Variants in GNPAT observed in about 807,000 individuals in gnomAD.
The protein encoded by GNPAT is dihydroxyacetone phosphate acyltransferase.
Under a neutral mutation model 78.4 loss-of-function variants are expected in GNPAT, and 30 were observed. That is an observed-to-expected ratio of 0.38 (90% confidence interval 0.29 to 0.52). The LOEUF (loss-of-function observed/expected upper bound fraction) is 0.52. Among genes scored for constraint, GNPAT ranks in the 20% least tolerant of loss-of-function variants. The pLI is 0.84. For synonymous variants in GNPAT, 271 were observed against 281.1 expected (o/e 0.96, Z 0.36); for missense variants, 714 against 812.2 (o/e 0.88, Z 1.47).
rs1684587150 is a variant in GNPAT, at chr1:231,241,239, G to C, written c.-140G>C. 1 of 1,474,812 alleles carries C rather than the reference G, an allele frequency of 6.8e-7. No individual in the cohort carries two copies. The highest frequency in any genetic ancestry group is 9.5e-7 in the Non-Finnish European group (1 of 1,056,216). 91.4% of individuals were successfully genotyped at this position (1,474,812 alleles called of 1,614,324 possible). ...GTCCTGGCTGAGATGGCGGCGCCCG[G>C]GATCCTGTGTAGCGGCTGCAGAGGG... On this transcript the variant is annotated 5_prime_UTR_variant, in exon 1 of 16. Coordinates refer to ENST00000366647, the MANE Select transcript of GNPAT (RefSeq NM_014236.4).
At chr1:231,265,449 T>G (rs748828333) in intron 5 of GNPAT, 29 bp downstream of exon 5, 20 of 1,559,408 alleles carry the variant, frequency 1.3e-5, no homozygotes, top group Non-Finnish European at 1.7e-5. Context: ...CAACTACTCT[T>G]AAGCCATATT....
intron 1 of GNPAT, among the ~76,000 whole-genome samples, chr1:231,242,681 T>A (rs573316323): frequency 4.4e-4 from 67 of 152,378 alleles, no homozygotes; most frequent in Non-Finnish European, 8.2e-4. Flanking sequence ...TGTAGCTTTT[T>A]AAGCTCCCAA....
intron 4 of GNPAT, among the ~76,000 whole-genome samples, chr1:231,264,841 T>C (rs566384046): frequency 2.8e-4 from 42 of 152,372 alleles, no homozygotes; most frequent in Admixed American, 2.7e-3. Flanking sequence ...ATTGACATCA[T>C]GACATTGTCA....
intron 2 of GNPAT, among the ~76,000 whole-genome samples, chr1:231,255,404 T>C (rs1394500771): frequency 6.6e-6 from 1 of 152,102 alleles, no homozygotes; most frequent in Non-Finnish European, 1.5e-5. Context: ...CGTCTACCTC[T>C]CTCCTCCTCT....
At chr1:231,247,692 A>G (rs1684786649) in intron 1 of GNPAT, among the ~76,000 whole-genome samples, 1 of 152,236 alleles carries the variant, frequency 6.6e-6, no homozygotes, top group African/African-American at 2.4e-5. Context: ...TCCTCAGCAC[A>G]TACCACAGTG....
In GNPAT at chr1:231,271,008, T is replaced by G; in HGVS notation, c.1522+8T>G. ...CACCAGGGTTCAGGAAAGGTAATTTTCAGGAATGCAATCTTGACTTTTAGA... is the reference window on the plus strand; with the variant it reads ...CACCAGGGTTCAGGAAAGGTAATTTGCAGGAATGCAATCTTGACTTTTAGA... On this transcript the variant is annotated splice_region_variant and intron_variant, in intron 10 of 15. Transcript: ENST00000366647. The G allele has an allele frequency of 1.2e-6, 2 of 1,614,096 alleles. No individual in the cohort carries two copies. The highest frequency in any genetic ancestry group is 8.5e-7 in the Non-Finnish European group (1 of 1,179,926).
At chr1:231,260,734 T>TA in intron 3 of GNPAT, 51 bp downstream of exon 3, 3 of 1,235,832 alleles carry the variant, frequency 2.4e-6, no homozygotes, top group Non-Finnish European at 2.3e-6. Context: ...CATCTTAAAA[T>TA]TAAACAAAAA....
intron 8 of GNPAT, among the ~76,000 whole-genome samples, chr1:231,266,888 T>C (rs1685404739): frequency 6.6e-6 from 1 of 152,222 alleles, no homozygotes; most frequent in South Asian, 2.1e-4. Flanking sequence ...AGATACACAT[T>C]TGAGTTTTCT....
At chr1:231,252,902 G>T (rs1006162980) in intron 2 of GNPAT, among the ~76,000 whole-genome samples, 2 of 152,104 alleles carry the variant, frequency 1.3e-5, no homozygotes, top group Non-Finnish European at 2.9e-5. Flanking sequence ...CCCATAGACA[G>T]AACTGACTCC....
chr1:231,257,687 T>C (rs1256134277), intron 2 of GNPAT, among the ~76,000 whole-genome samples: 1 of 152,216 alleles, frequency 6.6e-6, no homozygotes. Flanking sequence ...ATTCTCATCA[T>C]TTCACTTTCC....
chr1:231,246,922 C>T (rs1448025587), intron 1 of GNPAT, among the ~76,000 whole-genome samples: 1 of 152,162 alleles, frequency 6.6e-6, no homozygotes, highest in Non-Finnish European at 1.5e-5. Context: ...GTAATCCCAG[C>T]ACTTTGGGAG....
At chr1:231,245,029 C>A (rs1472478286) in intron 1 of GNPAT, among the ~76,000 whole-genome samples, 1 of 152,164 alleles carries the variant, frequency 6.6e-6, no homozygotes, top group Non-Finnish European at 1.5e-5. Context: ...AAATGCTCTT[C>A]CCTCGAATGC....
chr1:231,273,866 A>G, intron 11 of GNPAT, 56 bp from the exon 12 acceptor site: 1 of 1,418,942 alleles, frequency 7.0e-7, no homozygotes, highest in East Asian at 2.3e-5. Context: ...ATGTATTCAG[A>G]TGGGCACTAT....
intron 1 of GNPAT, among the ~76,000 whole-genome samples, chr1:231,243,420 C>T (rs1199288617): frequency 1.3e-5 from 2 of 152,026 alleles, no homozygotes; most frequent in African/African-American, 4.8e-5. Context: ...ATCTCCGGGG[C>T]TCAAGCGATT....
chr1:231,253,518 C>G (rs538401216), intron 2 of GNPAT, among the ~76,000 whole-genome samples: 1 of 152,312 alleles, frequency 6.6e-6, no homozygotes, highest in Admixed American at 6.5e-5. Context: ...GCCTTGGGAA[C>G]ATTTTTATCT....
chr1:231,276,822 G>A (rs1233688493), intron 15 of GNPAT, among the ~76,000 whole-genome samples: 4 of 152,208 alleles, frequency 2.6e-5, no homozygotes, highest in Admixed American at 2.6e-4. Context: ...TTAGAAAGGA[G>A]GGTGTTAACA....
At chr1:231,265,638 A>G in intron 5 of GNPAT, 74 bp from the exon 6 acceptor site, 1 of 982,170 alleles carries the variant, frequency 1.0e-6, no homozygotes, top group Non-Finnish European at 1.6e-6. Flanking sequence ...GCTTGGGAAA[A>G]GGAATCAAAA....
In GNPAT at chr1:231,273,963, C is replaced by T. The variant is rs551574939; in HGVS notation, c.1644C>T (p.Ala548=). ...EGCYLLCKSE[A]IQVTTKDILV... is the part of the protein sequence containing the mutation. ...GTTACCTGCTTTGTAAAAGTGAAGC[C>T]ATACAAGTGACTACGAAAGACATCC... Residue 548 remains alanine, a synonymous_variant, in exon 12 of 16, where the codon GCC becomes GCT. Coordinates refer to ENST00000366647, the MANE Select transcript of GNPAT (RefSeq NM_014236.4). 6.2e-7 allele frequency: 1 copy of T among 1,612,082 alleles called. No homozygotes were observed. The highest frequency in any genetic ancestry group is 1.1e-5 in the South Asian group (1 of 91,036).
chr1:231,251,218 CT>C, intron 2 of GNPAT, 75 bp downstream of exon 2: 1 of 880,558 alleles, frequency 1.1e-6, no homozygotes, highest in Non-Finnish European at 1.8e-6. Flanking sequence ...ACTTATTTTG[CT>C]ACTTTAATAT....
Sources: allele counts gnomAD v4.1 joint callset (sites outside exome capture counted in the v4.1 genomes callset), GRCh38; gene constraint gnomAD v4.1.1; transcripts MANE v1.5; gene names NCBI Gene and HGNC (gene_info 2026-07-23, HGNC 2026-07-21).